GABRG3: variants seen among roughly 807,000 people sequenced by gnomAD.
GABRG3 encodes the protein gamma-aminobutyric acid type A receptor subunit gamma3, also known as gamma-aminobutyric acid receptor subunit gamma-3.
GABRG3 carries 25 observed loss-of-function variants against 48.8 expected under a neutral mutation model. That is an observed-to-expected ratio of 0.51 (90% CI 0.37 to 0.72). GABRG3 has a LOEUF of 0.72. Ranked by LOEUF, GABRG3 falls within the 30% of genes least tolerant of loss-of-function variation. GABRG3 has a pLI of 0.00. For missense variants in GABRG3, 394 were observed against 577.9 expected (o/e 0.68, Z 3.26); for synonymous variants, 227 against 217.6 (o/e 1.04, Z -0.38).
chr15:27,432,232 G>A (rs1258807069), intron 5 of GABRG3, among the ~76,000 whole-genome samples: 1 of 152,118 alleles, frequency 6.6e-6, no homozygotes, highest in African/African-American at 2.4e-5. Context: ...TACAAGCTTT[G>A]TTTCGATATG....
intron 5 of GABRG3, among the ~76,000 whole-genome samples, chr15:27,417,634 C>T (rs965361276): frequency 2.6e-5 from 4 of 152,206 alleles, no homozygotes; most frequent in Admixed American, 1.3e-4. Flanking sequence ...CACAAGCTCC[C>T]TCAAATGCTC....
At chr15:27,496,044 T>C (rs911656512) in intron 6 of GABRG3, among the ~76,000 whole-genome samples, 4 of 152,158 alleles carry the variant, frequency 2.6e-5, no homozygotes, top group Non-Finnish European at 5.9e-5. Flanking sequence ...TCAGTGATAC[T>C]CCATGGGTGA....
chr15:27,370,397 C>A (rs1895369557), intron 5 of GABRG3, among the ~76,000 whole-genome samples: 1 of 152,220 alleles, frequency 6.6e-6, no homozygotes, highest in African/African-American at 2.4e-5. Flanking sequence ...TTCTGCAGCT[C>A]TTGCTTGCTT....
At chr15:27,001,822 C>T (rs1025683317) in intron 2 of GABRG3, among the ~76,000 whole-genome samples, 1 of 149,604 alleles carries the variant, frequency 6.7e-6, no homozygotes, top group Admixed American at 6.7e-5. Context: ...ATCAATTGAC[C>T]ACTGGCTGAT....
At chr15:27,110,843 T>G (rs145846296) in intron 3 of GABRG3, among the ~76,000 whole-genome samples, 2 of 152,324 alleles carry the variant, frequency 1.3e-5, no homozygotes, top group Non-Finnish European at 2.9e-5. Context: ...TTTTTTGCAG[T>G]TTGAGTATGA....
chr15:26,971,468 A>C lies in GABRG3; in HGVS notation c.-68A>C. ...AGGGCAAAGAGGGCCGGCGGAGACC[A>C]GGTCCGCGCCGGAGGAAGCCGCGCC... On this transcript the variant is annotated 5_prime_UTR_variant, in exon 1 of 10. Coordinates refer to ENST00000615808, the MANE Select transcript of GABRG3 (RefSeq NM_033223.5). The C allele has an allele frequency of 7.6e-7, 1 of 1,313,328 alleles. No homozygotes were observed. The allele number at this position is 1,313,328 out of a possible 1,614,324, so 81.4% of individuals were successfully genotyped here.
intron 3 of GABRG3, among the ~76,000 whole-genome samples, chr15:27,140,975 G>A (rs1042566805): frequency 6.6e-6 from 1 of 152,104 alleles, no homozygotes; most frequent in East Asian, 1.9e-4. Flanking sequence ...ATTTTCTCGC[G>A]GTAGAGTCCA....
At chr15:27,125,097 C>T (rs568490028) in intron 3 of GABRG3, among the ~76,000 whole-genome samples, 35 of 152,092 alleles carry the variant, frequency 2.3e-4, no homozygotes, top group Non-Finnish European at 1.3e-4. Context: ...ATTTCTCAAA[C>T]CAAAGAGATG....
intron 5 of GABRG3, among the ~76,000 whole-genome samples, chr15:27,380,630 C>T (rs1895736767): frequency 6.6e-6 from 1 of 151,902 alleles, no homozygotes; most frequent in South Asian, 2.1e-4. Flanking sequence ...TTTGGTCTCC[C>T]CTGTTGTCTT....
intron 3 of GABRG3, among the ~76,000 whole-genome samples, chr15:27,090,063 G>T (rs920087244): frequency 6.6e-6 from 1 of 152,196 alleles, no homozygotes; most frequent in South Asian, 2.1e-4. Flanking sequence ...TGTATAGACA[G>T]GTAGTCCCTG....
intron 3 of GABRG3, among the ~76,000 whole-genome samples, chr15:27,170,223 G>A (rs937784759): frequency 3.3e-5 from 5 of 152,092 alleles, no homozygotes; most frequent in African/African-American, 9.7e-5. Context: ...AGCAAAAATA[G>A]TTGAGTTTAT....
At chr15:27,436,293 GT>G (rs1888608373) in intron 5 of GABRG3, among the ~76,000 whole-genome samples, 2 of 151,880 alleles carry the variant, frequency 1.3e-5, no homozygotes, top group African/African-American at 4.9e-5. Flanking sequence ...AATCCCACTT[GT>G]GGGGGGAAGG....
rs1205862444 is a variant in GABRG3 at position 27,306,108 on chromosome 15, CATAT to C, written c.271-20697_271-20694del. 4.7e-5 allele frequency among the ~76,000 whole-genome samples: 5 copies of C among 106,514 alleles called. No homozygotes were observed. The South Asian group carries it at 8.7e-4, about 18-fold the overall frequency. 69.9% of individuals were successfully genotyped at this position (106,514 alleles called of 152,430 possible). The stretch of plus-strand genomic sequence containing the variant: ...ATAAACCTATATGTTTATATATAAA[CATAT>C]ATAATATAAACCTATATGTTTATAT... On this transcript the variant is annotated intron_variant, in intron 3 of 9. Transcript: ENST00000615808.
intron 3 of GABRG3, among the ~76,000 whole-genome samples, chr15:27,061,377 G>C (rs939341928): frequency 6.6e-6 from 1 of 151,992 alleles, no homozygotes; most frequent in Non-Finnish European, 1.5e-5. Flanking sequence ...CTGAACGCTG[G>C]CCATCTGGCT....
chr15:27,232,913 T>G lies in GABRG3; in HGVS notation c.271-93896T>G, dbSNP rs1889843853. Reference sequence around the variant, plus strand: ...AGAGGAAATGAGCTGGGAGAGCCACTTACCTCCTCATTCCCTCGGAGGCTG... The same window carrying G: ...AGAGGAAATGAGCTGGGAGAGCCACGTACCTCCTCATTCCCTCGGAGGCTG... On this transcript the variant is annotated intron_variant, in intron 3 of 9. Coordinates refer to ENST00000615808, the MANE Select transcript of GABRG3 (RefSeq NM_033223.5). Among the ~76,000 whole-genome samples, 3 of 152,244 alleles carry G rather than the reference T, an allele frequency of 2.0e-5. 1 individual carries two copies. In the South Asian group the frequency reaches 6.2e-4, roughly 31 times the overall value.
chr15:27,490,036 G>A (rs1466190071), intron 6 of GABRG3, among the ~76,000 whole-genome samples: 1 of 152,080 alleles, frequency 6.6e-6, no homozygotes, highest in Non-Finnish European at 1.5e-5. Flanking sequence ...TGTATCTTGA[G>A]TTAATTCTTG....
chr15:27,526,980 G>C (rs1003943293), intron 7 of GABRG3, among the ~76,000 whole-genome samples: 2 of 152,182 alleles, frequency 1.3e-5, no homozygotes, highest in Non-Finnish European at 2.9e-5. Flanking sequence ...TGTGCATGTT[G>C]TCAGCTCTGC....
intron 3 of GABRG3, among the ~76,000 whole-genome samples, chr15:27,173,975 C>T (rs1423499386): frequency 6.6e-6 from 1 of 152,156 alleles, no homozygotes; most frequent in Non-Finnish European, 1.5e-5. Flanking sequence ...GATTTGATAG[C>T]TATCAAGATG....
At chr15:27,279,954 C>T (rs1891380784) in intron 3 of GABRG3, among the ~76,000 whole-genome samples, 1 of 152,030 alleles carries the variant, frequency 6.6e-6, no homozygotes, top group African/African-American at 2.4e-5. Flanking sequence ...CATATAGATC[C>T]TATATAGATT....
Sources: allele counts gnomAD v4.1 joint callset (sites outside exome capture counted in the v4.1 genomes callset), GRCh38; gene constraint gnomAD v4.1.1; transcripts MANE v1.5; gene names NCBI Gene and HGNC (gene_info 2026-07-23, HGNC 2026-07-21).